Variants in ZDHHC14 observed in about 807,000 individuals in gnomAD.
ZDHHC14 encodes palmitoyltransferase ZDHHC14.
A neutral mutation model predicts 47.7 loss-of-function variants in ZDHHC14; 16 were observed. The observed-to-expected ratio is 0.34, with a 90% CI of 0.23 to 0.51. The LOEUF is 0.51. Ranked by LOEUF, ZDHHC14 falls within the 20% of genes least tolerant of loss-of-function variation. The pLI is 0.97. For missense variants in ZDHHC14, 515 were observed against 662.5 expected (o/e 0.78, Z 2.44); for synonymous variants, 293 against 278.9 (o/e 1.05, Z -0.50).
chr6:157,614,050 G>A (rs996976500), intron 3 of ZDHHC14, among the ~76,000 whole-genome samples: 4 of 152,090 alleles, frequency 2.6e-5, no homozygotes, highest in African/African-American at 7.2e-5. Context: ...AGTCAGCCTC[G>A]CCCAGGCTAG....
intron 2 of ZDHHC14, among the ~76,000 whole-genome samples, chr6:157,555,624 G>T (rs375512422): frequency 6.6e-6 from 1 of 152,206 alleles, no homozygotes; most frequent in Non-Finnish European, 1.5e-5. Context: ...GGGCTAGCAC[G>T]CACAGTGCAA....
intron 5 of ZDHHC14, among the ~76,000 whole-genome samples, chr6:157,637,326 A>T (rs1387783175): frequency 6.6e-6 from 1 of 152,226 alleles, no homozygotes. Flanking sequence ...GATCACAGTG[A>T]CTGGGAGTGC....
chr6:157,468,787 A>G (rs769269487), intron 1 of ZDHHC14, among the ~76,000 whole-genome samples: 1 of 152,254 alleles, frequency 6.6e-6, no homozygotes, highest in Non-Finnish European at 1.5e-5. Flanking sequence ...CTGTGTGCCA[A>G]GCACATTCTT....
intron 3 of ZDHHC14, among the ~76,000 whole-genome samples, chr6:157,604,353 A>G (rs985968358): frequency 2.6e-5 from 4 of 151,592 alleles, no homozygotes; most frequent in African/African-American, 9.7e-5. Context: ...TGCATAGGCT[A>G]TATGCAAACA....
At chr6:157,531,319 C>G (rs779015910) in intron 1 of ZDHHC14, among the ~76,000 whole-genome samples, 7 of 152,212 alleles carry the variant, frequency 4.6e-5, no homozygotes, top group Admixed American at 2.0e-4. Flanking sequence ...GTTCCAGAGT[C>G]CAGTCCAGGG....
intron 2 of ZDHHC14, among the ~76,000 whole-genome samples, chr6:157,568,046 C>G (rs1782971206): frequency 6.6e-6 from 1 of 152,144 alleles, no homozygotes; most frequent in Non-Finnish European, 1.5e-5. Context: ...CACTTATAAC[C>G]AGCCTTTAGG....
rs976834980 is a variant in ZDHHC14 at position 157,533,054 on chromosome 6, G to A, written c.246-9531G>A. ...TCACCCAGGGATAATGAGATAATGG[G>A]GCACATTCTTCTAGTTACAAATATA... is the stretch of plus-strand genomic sequence containing the variant. On this transcript the variant is annotated intron_variant, in intron 1 of 8. Coordinates refer to ENST00000359775, the MANE Select transcript of ZDHHC14 (RefSeq NM_024630.3). Among the ~76,000 whole-genome samples, 7 of 152,080 alleles carry A rather than the reference G, an allele frequency of 4.6e-5. No homozygotes were observed. In the South Asian group the frequency reaches 1.0e-3, roughly 22 times the overall value.
intron 1 of ZDHHC14, among the ~76,000 whole-genome samples, chr6:157,491,860 C>T (rs192467192): frequency 8.5e-5 from 13 of 152,326 alleles, no homozygotes; most frequent in Admixed American, 5.9e-4. Flanking sequence ...GAGTGGCCAG[C>T]GATGCAAGCG....
In ZDHHC14 at chr6:157,674,148, A is replaced by G. The variant is rs1256869475; in HGVS notation, c.*1026A>G. ...TTTTCTTTAATTATCTCTTTTTGACACCATCTTAGTGGAATTTGCTCTACG... is the reference window on the plus strand; with the variant it reads ...TTTTCTTTAATTATCTCTTTTTGACGCCATCTTAGTGGAATTTGCTCTACG... On this transcript the variant is annotated 3_prime_UTR_variant, in exon 9 of 9. Coordinates refer to ENST00000359775, the MANE Select transcript of ZDHHC14 (RefSeq NM_024630.3). The G allele has an allele frequency of 6.6e-6, 1 of 152,206 alleles. No homozygotes were observed. Among genetic ancestry groups the G allele is most frequent in the Non-Finnish European group, 1.5e-5 (1 of 68,028 alleles). The allele number at this position is 152,206 out of a possible 1,614,324, so 9.4% of individuals were successfully genotyped here.
intron 1 of ZDHHC14, among the ~76,000 whole-genome samples, chr6:157,399,671 G>T (rs1777591205): frequency 1.3e-5 from 2 of 152,238 alleles, no homozygotes; most frequent in African/African-American, 4.8e-5. Context: ...CCGGACCAGG[G>T]TTGACCCCGG....
chr6:157,661,260 T>C lies in ZDHHC14; in HGVS notation c.1068+7633T>C, dbSNP rs369310924. Among the ~76,000 whole-genome samples the C allele has an allele frequency of 3.2e-4, 48 of 152,216 alleles. No individual in the cohort carries two copies. The East Asian group carries it at 8.5e-3, about 27-fold the overall frequency. ...TTTGCTTCCTGTGTTGTTGGAGAAA[T>C]GGTCTGGTTGGTAGAAAGTCACTTG... On this transcript the variant is annotated intron_variant, in intron 8 of 8. Transcript: ENST00000359775.
rs904919305 is a variant in ZDHHC14, at chr6:157,409,931, C to T, written c.245+27665C>T. ...GCAACCTCTGCCTCCCGGGTTTAAG[C>T]GATTCTTGTGTCTCAGCCTCCCGAG... On this transcript the variant is annotated intron_variant, in intron 1 of 8. Transcript: ENST00000359775. 3.9e-5 allele frequency among the ~76,000 whole-genome samples: 6 copies of T among 152,030 alleles called. No individual in the cohort carries two copies. In the South Asian group the frequency reaches 1.0e-3, roughly 26 times the overall value.
intron 1 of ZDHHC14, among the ~76,000 whole-genome samples, chr6:157,516,425 G>A (rs1780695666): frequency 6.6e-6 from 1 of 152,160 alleles, no homozygotes. Flanking sequence ...CAGGTTGCGG[G>A]TCCCTGAGTG....
chr6:157,610,482 C>T (rs1784711752), intron 3 of ZDHHC14, among the ~76,000 whole-genome samples: 1 of 152,122 alleles, frequency 6.6e-6, no homozygotes, highest in African/African-American at 2.4e-5. Flanking sequence ...AACTAACTAC[C>T]CTTCTGCCAT....
chr6:157,417,018 CAG>C (rs1409902067), intron 1 of ZDHHC14, among the ~76,000 whole-genome samples: 1 of 107,682 alleles, frequency 9.3e-6, no homozygotes, highest in African/African-American at 3.7e-5. Flanking sequence ...TTAGTAGAGA[CAG>C]GGTTTCACTG....
In ZDHHC14 at chr6:157,582,364, G is replaced by T. The variant is rs918167243; in HGVS notation, c.407-10624G>T. On this transcript the variant is annotated intron_variant, in intron 2 of 8. Transcript: ENST00000359775. The surrounding 1 kb of genome is among the most constrained non-coding windows in gnomAD (Gnocchi z 4.3). Reference sequence around the variant, plus strand: ...GTGTACTTGAGTGTGTTTTTGTAGTGGCTGGTAATGGTCCTTCCTTTCCAT... The same window carrying T: ...GTGTACTTGAGTGTGTTTTTGTAGTTGCTGGTAATGGTCCTTCCTTTCCAT... 2.0e-5 allele frequency among the ~76,000 whole-genome samples: 3 copies of T among 152,204 alleles called. No individual in the cohort carries two copies. The highest frequency in any genetic ancestry group is 4.4e-5 in the Non-Finnish European group (3 of 68,042).
intron 1 of ZDHHC14, among the ~76,000 whole-genome samples, chr6:157,431,341 C>T (rs185423979): frequency 3.9e-5 from 6 of 152,292 alleles, no homozygotes; most frequent in Admixed American, 6.5e-5. Flanking sequence ...GAGTTCAGTG[C>T]CAGGCTCCTA....
intron 1 of ZDHHC14, among the ~76,000 whole-genome samples, chr6:157,384,423 T>A (rs531111595): frequency 1.6e-4 from 24 of 152,368 alleles, no homozygotes; most frequent in African/African-American, 5.8e-4. Flanking sequence ...TAAGGATCTT[T>A]CTCTGTGTCA....
Position 157,674,129 on chromosome 6 carries a change from T to G in ZDHHC14, c.*1007T>G, listed in dbSNP as rs1237367293. ...GCAAGTTTTCCATCATTTATTTTCT[T>G]TAATTATCTCTTTTTGACACCATCT... On this transcript the variant is annotated 3_prime_UTR_variant, in exon 9 of 9. Coordinates refer to ENST00000359775, the MANE Select transcript of ZDHHC14 (RefSeq NM_024630.3). 1 of 152,318 alleles carries G rather than the reference T, an allele frequency of 6.6e-6. No homozygotes were observed. Among genetic ancestry groups the G allele is most frequent in the Non-Finnish European group, 1.5e-5 (1 of 68,030 alleles). The allele number at this position is 152,318 out of a possible 1,614,324, so 9.4% of individuals were successfully genotyped here.
Sources: allele counts gnomAD v4.1 joint callset (sites outside exome capture counted in the v4.1 genomes callset), GRCh38; gene constraint gnomAD v4.1.1; non-coding constraint Gnocchi (gnomAD v3.1); transcripts MANE v1.5; gene names NCBI Gene and HGNC (gene_info 2026-07-23, HGNC 2026-07-21).